TMEM200A: variants seen among roughly 807,000 people sequenced by gnomAD.
TMEM200A encodes two transmembrane C.
TMEM200A carries 12 observed loss-of-function variants against 24.3 expected under a neutral mutation model. That is an observed-to-expected ratio of 0.49 (90% CI 0.32 to 0.80). The LOEUF (loss-of-function observed/expected upper bound fraction) is 0.80, where lower values mean the gene tolerates loss of function less well. Among genes scored for constraint, TMEM200A ranks in the 30% least tolerant of loss-of-function variants. The pLI is 0.04. For synonymous variants in TMEM200A, 224 were observed against 224.4 expected (o/e 1.00, Z 0.02); for missense variants, 545 against 614.4 (o/e 0.89, Z 1.19).
intron 2 of TMEM200A, among the ~76,000 whole-genome samples, chr6:130,434,196 A>G (rs949516438): frequency 2.0e-5 from 3 of 152,212 alleles, no homozygotes; most frequent in African/African-American, 7.2e-5. Flanking sequence ...CTGAGCATTT[A>G]GTATATGCCA....
intron 1 of TMEM200A, among the ~76,000 whole-genome samples, chr6:130,378,000 G>A (rs939378317): frequency 3.3e-5 from 5 of 152,056 alleles, no homozygotes; most frequent in Admixed American, 6.5e-5. Flanking sequence ...GGAGTGTGCC[G>A]CAGGAGGAAT....
intron 1 of TMEM200A, chr6:130,383,192 G>A (rs1010729223): frequency 2.1e-5 from 8 of 374,114 alleles, no homozygotes; most frequent in Admixed American, 1.3e-4. Context: ...TGAGGAACAC[G>A]TCATATCAAA....
chr6:130,440,464 G>A lies in TMEM200A; in HGVS notation c.42G>A (p.Leu14=). The A allele has an allele frequency of 6.2e-7, 1 of 1,603,108 alleles. No individual in the cohort carries two copies. The highest frequency in any genetic ancestry group is 8.5e-7 in the Non-Finnish European group (1 of 1,175,446). ...TGGVITGLAA[L]KRQDSARSQQ... ...GAGTGATAACTGGCCTGGCCGCCTT[G>A]AAAAGGCAAGACTCTGCCAGATCAC... The change falls in exon 3 of 3, where the codon TTG becomes TTA. Residue 14 remains leucine, a synonymous_variant. Transcript: ENST00000296978.
In TMEM200A at chr6:130,440,414, G is replaced by C. The variant is rs1404211756; in HGVS notation, c.-9G>C. ...TTTTTTTTTCTTCTTCAGAGTAAAAGGCCAAGCTATGATAGCAACTGGTGG... is the reference window on the plus strand; with the variant it reads ...TTTTTTTTTCTTCTTCAGAGTAAAACGCCAAGCTATGATAGCAACTGGTGG... On this transcript the variant is annotated 5_prime_UTR_variant, in exon 3 of 3. Transcript: ENST00000296978. The C allele has an allele frequency of 1.3e-6, 2 of 1,533,574 alleles. No individual in the cohort carries two copies. The highest frequency in any genetic ancestry group is 2.8e-5 in the African/African-American group (2 of 71,490). 95.0% of individuals were successfully genotyped at this position (1,533,574 alleles called of 1,614,324 possible).
At chr6:130,439,232 G>T (rs1325548974) in intron 2 of TMEM200A, 1 of 152,158 alleles carries the variant, frequency 6.6e-6, no homozygotes, top group African/African-American at 2.4e-5. Flanking sequence ...TGGAAGACCA[G>T]TTAGGGGGTT....
Position 130,440,721 on chromosome 6 carries a change from A to T in TMEM200A, c.299A>T (p.Asn100Ile). 6.2e-7 allele frequency: 1 copy of T among 1,614,112 alleles called. No homozygotes were observed. Among genetic ancestry groups the T allele is most frequent in the South Asian group, 1.1e-5 (1 of 91,084 alleles). Residue 100 changes from asparagine to isoleucine, a missense_variant, in exon 3 of 3, where the codon AAT becomes ATT. By Grantham distance (149) the Asn-to-Ile change is moderately radical. Coordinates refer to ENST00000296978, the MANE Select transcript of TMEM200A (RefSeq NM_001258277.2). The part of the protein sequence containing the change: ...FIDAETTLST[N>I]ETQVIRNEGG... ...GATGCTGAAACAACACTGTCAACAAATGAAACTCAGGTCATTCGGAATGAA... is the reference window on the plus strand; with the variant it reads ...GATGCTGAAACAACACTGTCAACAATTGAAACTCAGGTCATTCGGAATGAA...
Position 130,384,884 on chromosome 6 carries a change from G to T in TMEM200A, c.-80-289G>T, listed in dbSNP as rs368977065. Among the ~76,000 whole-genome samples the T allele has an allele frequency of 8.5e-5, 13 of 152,202 alleles. No homozygotes were observed. In the East Asian group the frequency reaches 1.9e-3, roughly 23 times the overall value. Reference sequence around the variant, plus strand: ...AGTTTGAGGATGTTAGACAGTTTGGGATTGTTTTTGCTTTTCTTCTAATAC... The same window carrying T: ...AGTTTGAGGATGTTAGACAGTTTGGTATTGTTTTTGCTTTTCTTCTAATAC... On this transcript the variant is annotated intron_variant, in intron 1 of 2. Coordinates refer to ENST00000296978, the MANE Select transcript of TMEM200A (RefSeq NM_001258277.2).
chr6:130,436,182 G>A (rs1780003546), intron 2 of TMEM200A, among the ~76,000 whole-genome samples: 1 of 152,146 alleles, frequency 6.6e-6, no homozygotes, highest in Admixed American at 6.5e-5. Context: ...CTCTAGGCAA[G>A]TTACCTAAGC....
chr6:130,373,794 C>T (rs1224961251), intron 1 of TMEM200A, among the ~76,000 whole-genome samples: 1 of 152,088 alleles, frequency 6.6e-6, no homozygotes, highest in African/African-American at 2.4e-5. Flanking sequence ...GCTCTTGATA[C>T]TTAATGCCAA....
chr6:130,390,936 T>A (rs1778818466), intron 2 of TMEM200A, among the ~76,000 whole-genome samples: 1 of 152,206 alleles, frequency 6.6e-6, no homozygotes, highest in African/African-American at 2.4e-5. Flanking sequence ...GGTGTTTAGC[T>A]CCATCTGTAA....
At chr6:130,428,496 T>C (rs1449203035) in intron 2 of TMEM200A, among the ~76,000 whole-genome samples, 2 of 152,166 alleles carry the variant, frequency 1.3e-5, no homozygotes, top group Non-Finnish European at 2.9e-5. Flanking sequence ...TACTCTCTAG[T>C]AGAGAGCTTT....
At position 130,366,135 on chromosome 6, in the gene TMEM200A, C is replaced by G; in HGVS notation, c.-470C>G. The stretch of plus-strand genomic sequence containing the variant: ...CTCTCCCCTGCCCGGCTTGCTGCGC[C>G]CGGTGCCCTCCGAGGGCAGGCGCGC... On this transcript the variant is annotated 5_prime_UTR_variant, in exon 1 of 3. Transcript: ENST00000296978. This position sits in a 1 kb window ranked among gnomAD's most constrained non-coding sequence, Gnocchi z 4.4. 1.0e-6 allele frequency: 1 copy of G among 985,392 alleles called. No individual in the cohort carries two copies. The highest frequency in any genetic ancestry group is 1.2e-6 in the Non-Finnish European group (1 of 829,922). The allele number at this position is 985,392 out of a possible 1,614,324, so 61.0% of individuals were successfully genotyped here.
intron 2 of TMEM200A, among the ~76,000 whole-genome samples, chr6:130,417,806 G>T (rs1779493111): frequency 6.6e-6 from 1 of 152,130 alleles, no homozygotes; most frequent in South Asian, 2.1e-4. Flanking sequence ...TCAGAGTATT[G>T]CACAAAACCT....
At chr6:130,376,467 G>C (rs545304276) in intron 1 of TMEM200A, among the ~76,000 whole-genome samples, 42 of 152,212 alleles carry the variant, frequency 2.8e-4, no homozygotes, top group Admixed American at 1.6e-3. Context: ...ATTTTTAGTA[G>C]AGATGAGGTT....
chr6:130,384,271 T>C (rs563474170), intron 1 of TMEM200A, among the ~76,000 whole-genome samples: 2 of 152,362 alleles, frequency 1.3e-5, no homozygotes, highest in South Asian at 4.1e-4. Flanking sequence ...GAAATTTTTG[T>C]AAGCATGCCT....
At chr6:130,436,576 G>A (rs1331731633) in intron 2 of TMEM200A, among the ~76,000 whole-genome samples, 2 of 139,728 alleles carry the variant, frequency 1.4e-5, no homozygotes, top group African/African-American at 5.1e-5. Flanking sequence ...TGCAGAGCCT[G>A]TAGATTCACT....
rs1778137317 is a variant in TMEM200A, at chr6:130,366,164, G to A, written c.-441G>A. On this transcript the variant is annotated 5_prime_UTR_variant, in exon 1 of 3. Coordinates refer to ENST00000296978, the MANE Select transcript of TMEM200A (RefSeq NM_001258277.2). This position sits in a 1 kb window ranked among gnomAD's most constrained non-coding sequence, Gnocchi z 4.4. ...TGCCCTCCGAGGGCAGGCGCGCCTGGACTCTGCGCCCGGATGGCGGCGGCC... is the reference window on the plus strand; with the variant it reads ...TGCCCTCCGAGGGCAGGCGCGCCTGAACTCTGCGCCCGGATGGCGGCGGCC... The A allele has an allele frequency of 2.0e-6, 2 of 985,224 alleles. No individual in the cohort carries two copies. The highest frequency in any genetic ancestry group is 6.1e-5 in the Admixed American group (1 of 16,264). The allele number at this position is 985,224 out of a possible 1,614,324, so 61.0% of individuals were successfully genotyped here.
chr6:130,375,928 G>A (rs982469363), intron 1 of TMEM200A, among the ~76,000 whole-genome samples: 9 of 152,052 alleles, frequency 5.9e-5, no homozygotes, highest in Admixed American at 2.6e-4. Context: ...TCACTATATG[G>A]CTGAAGACAT....
At chr6:130,409,271 A>G (rs1477468377) in intron 2 of TMEM200A, among the ~76,000 whole-genome samples, 10 of 152,108 alleles carry the variant, frequency 6.6e-5, no homozygotes, top group Admixed American at 6.5e-4. Context: ...GATACCTCAA[A>G]GCCTATTTTT....
Sources: gnomAD v4.1 joint callset for allele counts (sites outside exome capture counted in the v4.1 genomes callset) on GRCh38, gnomAD v4.1.1 for gene constraint, Gnocchi (gnomAD v3.1) non-coding constraint, MANE v1.5 for transcripts, NCBI Gene and HGNC (gene_info 2026-07-23, HGNC 2026-07-21) for gene names.